Variants in PHACTR1 observed in about 807,000 individuals in gnomAD.
The protein encoded by PHACTR1 is phosphatase and actin regulator 1.
PHACTR1 carries 16 observed loss-of-function variants against 69.2 expected under a neutral mutation model. The observed-to-expected ratio is 0.23, with a 90% CI of 0.16 to 0.35. The LOEUF is 0.35. Ranked by LOEUF, PHACTR1 falls within the 10% of genes least tolerant of loss-of-function variation. The probability of loss-of-function intolerance (pLI) is 1.00; values close to 1 mark genes in which losing one functional copy is unlikely to be tolerated. For synonymous variants in PHACTR1, 312 were observed against 284.5 expected (o/e 1.10, Z -0.97); for missense variants, 510 against 734.7 (o/e 0.69, Z 3.54).
chr6:13,052,583 G>A (rs1806121308), intron 4 of PHACTR1, among the ~76,000 whole-genome samples: 1 of 152,208 alleles, frequency 6.6e-6, no homozygotes, highest in Admixed American at 6.5e-5. Flanking sequence ...AAAAGAGGTT[G>A]GGATGATTGT....
At chr6:12,957,253 C>T in intron 4 of PHACTR1, 3 of 476,702 alleles carry the variant, frequency 6.3e-6, no homozygotes, top group Non-Finnish European at 7.6e-6. Flanking sequence ...TCAACAAATA[C>T]TCAAAAAAAA....
intron 4 of PHACTR1, among the ~76,000 whole-genome samples, chr6:13,040,173 C>G (rs143620644): frequency 6.6e-6 from 1 of 152,234 alleles, no homozygotes; most frequent in African/African-American, 2.4e-5. Flanking sequence ...TTTGCCACAT[C>G]AATACATCAT....
chr6:12,738,417 A>G (rs1764584610), intron 3 of PHACTR1, among the ~76,000 whole-genome samples: 1 of 152,204 alleles, frequency 6.6e-6, no homozygotes, highest in Non-Finnish European at 1.5e-5. Context: ...AAGGCCATGA[A>G]AATATCCCAC....
rs550825360 is a variant in PHACTR1, at chr6:12,923,976, G to A, written c.251-129389G>A. On this transcript the variant is annotated intron_variant, in intron 4 of 14. Transcript: ENST00000332995. The stretch of plus-strand genomic sequence containing the variant: ...TTTGGATAATGAAGAGCTTCTGTTC[G>A]TGGTAATAAGGTAACATTCTAAAGT... Among the ~76,000 whole-genome samples, 7 of 152,294 alleles carry A rather than the reference G, an allele frequency of 4.6e-5. No homozygotes were observed. The South Asian group carries it at 8.3e-4, about 18-fold the overall frequency.
At chr6:12,993,481 A>G (rs1797050208) in intron 4 of PHACTR1, among the ~76,000 whole-genome samples, 1 of 152,204 alleles carries the variant, frequency 6.6e-6, no homozygotes, top group Non-Finnish European at 1.5e-5. Context: ...ATACATACCT[A>G]AGACACGGAG....
At chr6:13,044,202 T>C (rs1804653807) in intron 4 of PHACTR1, among the ~76,000 whole-genome samples, 1 of 152,234 alleles carries the variant, frequency 6.6e-6, no homozygotes, top group Non-Finnish European at 1.5e-5. Context: ...GTTCATGGAA[T>C]AGAAGTATCT....
intron 5 of PHACTR1, among the ~76,000 whole-genome samples, chr6:13,116,346 G>T (rs976431202): frequency 1.6e-4 from 24 of 152,222 alleles, no homozygotes; most frequent in African/African-American, 5.8e-4. Flanking sequence ...TTGCATGTAA[G>T]TGCAATTATG....
At chr6:12,822,166 G>A (rs962473735) in intron 4 of PHACTR1, among the ~76,000 whole-genome samples, 3 of 152,204 alleles carry the variant, frequency 2.0e-5, no homozygotes, top group Non-Finnish European at 4.4e-5. Flanking sequence ...GCATGACAGA[G>A]GTTTTGGAGT....
chr6:12,874,611 G>A (rs962275931), intron 4 of PHACTR1, among the ~76,000 whole-genome samples: 5 of 151,896 alleles, frequency 3.3e-5, no homozygotes, highest in Non-Finnish European at 7.4e-5. Flanking sequence ...CATCCCCATC[G>A]AGCCACCACC....
intron 4 of PHACTR1, among the ~76,000 whole-genome samples, chr6:12,849,222 C>T (rs372001013): frequency 1.0e-3 from 157 of 152,234 alleles, no homozygotes; most frequent in Non-Finnish European, 2.0e-3. Context: ...AAGGCCTTGC[C>T]GCAATGCCAG....
At chr6:12,900,695 C>A (rs1582379741) in intron 4 of PHACTR1, among the ~76,000 whole-genome samples, 1 of 152,158 alleles carries the variant, frequency 6.6e-6, no homozygotes, top group East Asian at 1.9e-4. Flanking sequence ...GAGACCCTGT[C>A]TCAAAATATA....
At chr6:12,823,437 A>C (rs1165215815) in intron 4 of PHACTR1, among the ~76,000 whole-genome samples, 1 of 152,236 alleles carries the variant, frequency 6.6e-6, no homozygotes, top group Non-Finnish European at 1.5e-5. Context: ...ATAGTTCAAA[A>C]AAATCAATAA....
chr6:13,132,883 A>G (rs547780638), intron 5 of PHACTR1, among the ~76,000 whole-genome samples: 2 of 152,230 alleles, frequency 1.3e-5, no homozygotes, highest in South Asian at 4.2e-4. Context: ...TAAGACAACA[A>G]TGGAGCTTGT....
intron 4 of PHACTR1, among the ~76,000 whole-genome samples, chr6:13,037,822 A>G (rs1359812641): frequency 1.3e-5 from 2 of 152,218 alleles, no homozygotes; most frequent in Non-Finnish European, 2.9e-5. Flanking sequence ...GATGATATGG[A>G]TAACTGGTCT....
chr6:12,785,100 A>G (rs1028485143), intron 4 of PHACTR1, among the ~76,000 whole-genome samples: 1 of 134,536 alleles, frequency 7.4e-6, no homozygotes, highest in East Asian at 1.9e-4. Flanking sequence ...ATACACATAC[A>G]TACACACATA....
At chr6:13,107,349 G>C (rs1161021399) in intron 5 of PHACTR1, among the ~76,000 whole-genome samples, 1 of 152,152 alleles carries the variant, frequency 6.6e-6, no homozygotes, top group Non-Finnish European at 1.5e-5. Flanking sequence ...TGGGCTCAAG[G>C]AATCCTCCCA....
At chr6:13,173,804 G>A (rs991357159) in intron 6 of PHACTR1, among the ~76,000 whole-genome samples, 2 of 152,162 alleles carry the variant, frequency 1.3e-5, no homozygotes, top group African/African-American at 2.4e-5. Flanking sequence ...TGCCTCCGGG[G>A]TTCAGGTGAT....
At chr6:12,856,978 A>T (rs1192431765) in intron 4 of PHACTR1, among the ~76,000 whole-genome samples, 1 of 152,208 alleles carries the variant, frequency 6.6e-6, no homozygotes, top group Non-Finnish European at 1.5e-5. Flanking sequence ...GGTCATTTCC[A>T]TTCTCTTTTG....
intron 10 of PHACTR1, among the ~76,000 whole-genome samples, chr6:13,249,561 G>A (rs1774066192): frequency 1.3e-5 from 2 of 152,142 alleles, no homozygotes; most frequent in Admixed American, 6.5e-5. Flanking sequence ...CACTTTGGGA[G>A]GCCAAGGCAG....
Sources: allele counts gnomAD v4.1 joint callset (sites outside exome capture counted in the v4.1 genomes callset), GRCh38; gene constraint gnomAD v4.1.1; transcripts MANE v1.5; gene names NCBI Gene and HGNC (gene_info 2026-07-23, HGNC 2026-07-21).